HDAC4: variants seen among roughly 807,000 people sequenced by gnomAD.
HDAC4 encodes histone deacetylase 4, also known as histone deacetylase A.
Under a neutral mutation model 135.1 loss-of-function variants are expected in HDAC4, and 16 were observed. The ratio of observed to expected loss-of-function variants is 0.12; its 90% confidence interval spans 0.08 to 0.18. The LOEUF (loss-of-function observed/expected upper bound fraction) is 0.18, where lower values mean the gene tolerates loss of function less well. HDAC4 is among the 10% of genes least tolerant of loss of function. The pLI is 1.00. For synonymous variants in HDAC4, 685 were observed against 653.4 expected, an observed-to-expected ratio of 1.05 and a Z score of -0.74; for missense variants, 1,143 against 1,511.8, an observed-to-expected ratio of 0.76 and a Z score of 4.05.
intron 23 of HDAC4, among the ~76,000 whole-genome samples, chr2:239,067,964 G>T (rs1031310251): frequency 6.6e-5 from 10 of 152,184 alleles, no homozygotes; most frequent in Non-Finnish European, 1.5e-4. Context: ...TCATCTCCTT[G>T]TGAGTTGCTG....
chr2:239,065,874 G>A (rs2033405480), intron 24 of HDAC4, among the ~76,000 whole-genome samples: 1 of 152,248 alleles, frequency 6.6e-6, no homozygotes, highest in Non-Finnish European at 1.5e-5. Flanking sequence ...CGTGTCTTGG[G>A]GATCTGGACT....
intron 13 of HDAC4, among the ~76,000 whole-genome samples, chr2:239,113,692 C>T (rs1204141754): frequency 6.6e-6 from 1 of 152,138 alleles, no homozygotes; most frequent in Admixed American, 6.5e-5. Flanking sequence ...CTAATAATAG[C>T]ACACTGAATT....
At chr2:239,195,137 C>T (rs1272363101) in intron 3 of HDAC4, among the ~76,000 whole-genome samples, 1 of 152,340 alleles carries the variant, frequency 6.6e-6, no homozygotes, top group East Asian at 1.9e-4. Flanking sequence ...AATGCTGTCG[C>T]TGTTCTCACT....
Position 239,371,273 on chromosome 2 carries a change from T to C in HDAC4, c.-219-18355A>G, listed in dbSNP as rs554856848. ...CATGACCTCAAACTCACACACTCAA[T>C]CACATACACACATCCTTATACACTC... On this transcript the variant is annotated intron_variant, in intron 1 of 26. Transcript: ENST00000543185. 3.3e-5 allele frequency among the ~76,000 whole-genome samples: 5 copies of C among 152,160 alleles called. No homozygotes were observed. The East Asian group carries it at 7.7e-4, about 24-fold the overall frequency.
At chr2:239,322,753 G>T (rs577483721) in intron 2 of HDAC4, among the ~76,000 whole-genome samples, 1 of 152,108 alleles carries the variant, frequency 6.6e-6, no homozygotes, top group Admixed American at 6.5e-5. Context: ...TCTTCATCCT[G>T]CCCGGGTGTG....
chr2:239,056,649 C>T (rs116428975), intron 24 of HDAC4, among the ~76,000 whole-genome samples: 1 of 152,384 alleles, frequency 6.6e-6, no homozygotes, highest in African/African-American at 2.4e-5. Flanking sequence ...CACGTATCTA[C>T]TCCCCTCTCC....
intron 1 of HDAC4, among the ~76,000 whole-genome samples, chr2:239,362,680 C>T (rs764948046): frequency 7.2e-5 from 11 of 152,182 alleles, no homozygotes; most frequent in Admixed American, 3.3e-4. Flanking sequence ...GAGCAGCCTG[C>T]AGAACCCAGT....
At chr2:239,123,990 C>G (rs1205709149) in intron 12 of HDAC4, among the ~76,000 whole-genome samples, 1 of 151,574 alleles carries the variant, frequency 6.6e-6, no homozygotes, top group Non-Finnish European at 1.5e-5. Flanking sequence ...GTCCTGAAAT[C>G]CAGGGAAGCA....
At chr2:239,399,920 ACTCATATCAGCTGC>A (rs1463686553) in intron 1 of HDAC4, among the ~76,000 whole-genome samples, 1 of 152,212 alleles carries the variant, frequency 6.6e-6, no homozygotes, top group East Asian at 1.9e-4. Flanking sequence ...TAAAGAAAAC[ACTCATATCAGCTGC>A]CTCAAGTTAT....
At chr2:239,073,053 G>A (rs955624790) in intron 22 of HDAC4, among the ~76,000 whole-genome samples, 11 of 152,194 alleles carry the variant, frequency 7.2e-5, no homozygotes, top group East Asian at 1.9e-4. Context: ...AGAGTGATGC[G>A]TGGGACTGTG....
chr2:239,191,707 C>T lies in HDAC4; in HGVS notation c.95-1630G>A, dbSNP rs186680583. Among the ~76,000 whole-genome samples, 8 of 152,332 alleles carry T rather than the reference C, an allele frequency of 5.3e-5. No homozygotes were observed. The East Asian group carries it at 1.5e-3, about 29-fold the overall frequency. ...GGGTGCTCTCAGCTTCTCTGGCTGA[C>T]TTCACTGTCTCCTCACCCCTCCCCT... On this transcript the variant is annotated intron_variant, in intron 3 of 26. Transcript: ENST00000543185.
At chr2:239,130,128 T>A (rs1219241117) in intron 11 of HDAC4, among the ~76,000 whole-genome samples, 3 of 152,196 alleles carry the variant, frequency 2.0e-5, no homozygotes, top group African/African-American at 7.2e-5. Flanking sequence ...AGGCAAGAGT[T>A]AGATCCAACT....
intron 2 of HDAC4, among the ~76,000 whole-genome samples, chr2:239,290,750 T>TCACACACA (rs371191225): frequency 6.6e-6 from 1 of 151,812 alleles, no homozygotes; most frequent in South Asian, 2.1e-4. Context: ...GCGCACGCAC[T>TCACACACA]CACACACACA....
At chr2:239,369,858 T>C (rs1027442900) in intron 1 of HDAC4, among the ~76,000 whole-genome samples, 2 of 152,212 alleles carry the variant, frequency 1.3e-5, no homozygotes, top group African/African-American at 2.4e-5. Flanking sequence ...GCAGGGTGCA[T>C]GAAAGGAAGT....
intron 5 of HDAC4, among the ~76,000 whole-genome samples, chr2:239,168,593 T>C (rs11888915): frequency 0.19 from 28,367 of 152,204 alleles, 3,044 homozygotes; most frequent in East Asian, 0.33. Flanking sequence ...AAACAGATGC[T>C]GTGCACCGTG....
intron 2 of HDAC4, among the ~76,000 whole-genome samples, chr2:239,286,133 TG>T (rs1188817894): frequency 6.6e-6 from 1 of 152,234 alleles, no homozygotes; most frequent in African/African-American, 2.4e-5. Context: ...ATTTTCCCCA[TG>T]TATGTTTTGA....
At chr2:239,395,500 G>A (rs536389779) in intron 1 of HDAC4, among the ~76,000 whole-genome samples, 78 of 152,284 alleles carry the variant, frequency 5.1e-4, no homozygotes, top group Non-Finnish European at 9.6e-4. Context: ...GACTTAAAGA[G>A]TACTTTTCTT....
intron 2 of HDAC4, among the ~76,000 whole-genome samples, chr2:239,278,834 T>C (rs140305284): frequency 7.3e-4 from 111 of 152,180 alleles, no homozygotes; most frequent in African/African-American, 1.9e-3. Context: ...ATGAGGACCA[T>C]TGGGGCCGGG....
rs1266262527 is a variant in HDAC4 at position 239,222,819 on chromosome 2, C to A, written c.94+13774G>T. ...TGATCTCCTTTCGTCCTCACAGCCC[C>A]CTGAAGCAGGTCCCAGCGGGGACCT... On this transcript the variant is annotated intron_variant, in intron 3 of 26. Transcript: ENST00000543185. 2.0e-5 allele frequency among the ~76,000 whole-genome samples: 3 copies of A among 152,154 alleles called. No individual in the cohort carries two copies. The East Asian group carries it at 5.8e-4, about 29-fold the overall frequency.
Sources: allele counts gnomAD v4.1 joint callset (sites outside exome capture counted in the v4.1 genomes callset), GRCh38; gene constraint gnomAD v4.1.1; transcripts MANE v1.5; gene names NCBI Gene and HGNC (gene_info 2026-07-23, HGNC 2026-07-21).